ARPC5: variants seen among roughly 807,000 people sequenced by gnomAD.
ARPC5 encodes actin related protein 2/3 complex subunit 5.
ARPC5 carries 5 observed loss-of-function variants against 15.4 expected under a neutral mutation model. The observed-to-expected ratio is 0.32, with a 90% CI of 0.17 to 0.68. The LOEUF (loss-of-function observed/expected upper bound fraction) is 0.68. Among genes scored for constraint, ARPC5 ranks in the 30% least tolerant of loss-of-function variants. The pLI is 0.71. For synonymous variants in ARPC5, 85 were observed against 72.2 expected (o/e 1.18, Z -0.90); for missense variants, 138 against 192.8 (o/e 0.72, Z 1.68).
chr1:183,633,033 TAAG>T, intron 2 of ARPC5, 46 bp downstream of exon 2: 1 of 1,381,124 alleles, frequency 7.2e-7, no homozygotes, highest in Non-Finnish European at 1.0e-6. Flanking sequence ...AGGATTTTAC[TAAG>T]AATAAGATAT....
Position 183,633,166 on chromosome 1 carries a change from T to A in ARPC5, c.144-12A>T. ...CTGTCATGTTTCCTGTGATGGAAGT[T>A]AAGGGTGTAACAGCAAAGGATGGCC... On this transcript the variant is annotated splice_polypyrimidine_tract_variant and intron_variant, in intron 1 of 3. Coordinates refer to ENST00000359856, the MANE Select transcript of ARPC5 (RefSeq NM_005717.4). 1 of 1,593,080 alleles carries A rather than the reference T, an allele frequency of 6.3e-7. No individual in the cohort carries two copies. Among genetic ancestry groups the A allele is most frequent in the South Asian group, 1.1e-5 (1 of 87,402 alleles).
chr1:183,623,582 A>C lies in ARPC5; in HGVS notation c.*3950T>G. The C allele has an allele frequency of 6.7e-7, 1 of 1,489,788 alleles. No homozygotes were observed. The highest frequency in any genetic ancestry group is 9.1e-7 in the Non-Finnish European group (1 of 1,093,884). The allele number at this position is 1,489,788 out of a possible 1,614,324, so 92.3% of individuals were successfully genotyped here. ...CCGCGGCAGGAATATGGACAGAAGC[A>C]GCCTTGTTTAAGGGCACTTGGTTCT... On this transcript the variant is annotated 3_prime_UTR_variant, in exon 4 of 4. Coordinates refer to ENST00000359856, the MANE Select transcript of ARPC5 (RefSeq NM_005717.4).
Position 183,623,456 on chromosome 1 carries a change from A to G in ARPC5, c.*4076T>C. The stretch of plus-strand genomic sequence containing the variant: ...TTCCCGGGCCTCCTCCATATCTGGA[A>G]TCATACAAGAGGCACCTGCACAGAA... On this transcript the variant is annotated 3_prime_UTR_variant, in exon 4 of 4. Coordinates refer to ENST00000359856, the MANE Select transcript of ARPC5 (RefSeq NM_005717.4). 2 of 1,550,406 alleles carry G rather than the reference A, an allele frequency of 1.3e-6. No individual in the cohort carries two copies. The highest frequency in any genetic ancestry group is 1.7e-6 in the Non-Finnish European group (2 of 1,146,906).
At position 183,627,613 on chromosome 1, in the gene ARPC5, G is replaced by T; in HGVS notation, c.394-19C>A. 6.2e-7 allele frequency: 1 copy of T among 1,601,446 alleles called. No homozygotes were observed. The highest frequency in any genetic ancestry group is 8.6e-7 in the Non-Finnish European group (1 of 1,168,600). ...CAAGTGCCTAAAAACAAACCAAGAT[G>T]TAAATGTTGACAGAATAATAAAAGG... On this transcript the variant is annotated intron_variant, in intron 3 of 3. Coordinates refer to ENST00000359856, the MANE Select transcript of ARPC5 (RefSeq NM_005717.4).
chr1:183,623,654 T>C lies in ARPC5; in HGVS notation c.*3878A>G, dbSNP rs1649001584. On this transcript the variant is annotated 3_prime_UTR_variant, in exon 4 of 4. Transcript: ENST00000359856. ...CTTAATTGGGTGTGTTTTTCAATTA[T>C]TTTGGTGCTTTTAACATATTTTGTC... is the stretch of plus-strand genomic sequence containing the variant. 1 of 707,664 alleles carries C rather than the reference T, an allele frequency of 1.4e-6. No homozygotes were observed. Among genetic ancestry groups the C allele is most frequent in the Non-Finnish European group, 2.3e-6 (1 of 432,282 alleles). 43.8% of individuals were successfully genotyped at this position (707,664 alleles called of 1,614,324 possible). A position where few individuals can be genotyped will look rare whatever the true frequency, so the allele number is the denominator to read the frequency against.
In ARPC5 at chr1:183,621,430, T is replaced by C. The variant is rs901745859; in HGVS notation, c.*6102A>G. The C allele has an allele frequency of 1.3e-5, 2 of 152,236 alleles. No homozygotes were observed. The highest frequency in any genetic ancestry group is 2.9e-5 in the Non-Finnish European group (2 of 68,032). 9.4% of individuals were successfully genotyped at this position (152,236 alleles called of 1,614,324 possible). On this transcript the variant is annotated 3_prime_UTR_variant, in exon 4 of 4. Coordinates refer to ENST00000359856, the MANE Select transcript of ARPC5 (RefSeq NM_005717.4). ...AATTATGGTACATTTATTTATATAA[T>C]AGAATTATTATGCAGTCATAAAAAT...
intron 1 of ARPC5, among the ~76,000 whole-genome samples, chr1:183,634,422 A>T (rs1006982979): frequency 6.6e-6 from 1 of 152,234 alleles, no homozygotes; most frequent in African/African-American, 2.4e-5. Flanking sequence ...TTTCACTCTC[A>T]TATTTCCCCA....
chr1:183,633,220 T>C lies in ARPC5; in HGVS notation c.144-66A>G, dbSNP rs2231237. 2,959 of 1,101,330 alleles carry C rather than the reference T, an allele frequency of 2.7e-3. 70 individuals are homozygous for C. The African/African-American group carries it at 0.045, about 17-fold the overall frequency. 68.2% of individuals were successfully genotyped at this position (1,101,330 alleles called of 1,614,324 possible). On this transcript the variant is annotated intron_variant, in intron 1 of 3. Coordinates refer to ENST00000359856, the MANE Select transcript of ARPC5 (RefSeq NM_005717.4). ...AGGAAAGCATTATAACCACTGGTTC[T>C]TATGACTTGATTTACATATAAAAAG... is the stretch of plus-strand genomic sequence containing the variant.
chr1:183,633,397 G>A (rs6671085), intron 1 of ARPC5: 17,554 of 307,696 alleles, frequency 0.057, 1,169 homozygotes, highest in African/African-American at 0.21. Flanking sequence ...TAACTATCAA[G>A]TGAACACCTT....
At chr1:183,632,132 A>G (rs1649284686) in intron 2 of ARPC5, 1 of 152,254 alleles carries the variant, frequency 6.6e-6, no homozygotes, top group Non-Finnish European at 1.5e-5. Flanking sequence ...TACCTAAGTT[A>G]TTACTTACTA....
intron 3 of ARPC5, among the ~76,000 whole-genome samples, chr1:183,627,945 C>G (rs59068318): frequency 0.052 from 7,815 of 151,532 alleles, 709 homozygotes; most frequent in African/African-American, 0.18. Context: ...AGGCCGAGGC[C>G]GGCGGATCAC....
rs112502268 is a variant in ARPC5 at position 183,633,155 on chromosome 1, G to A, written c.144-1C>T. On this transcript the variant is annotated splice_acceptor_variant, in intron 1 of 3. Coordinates refer to ENST00000359856, the MANE Select transcript of ARPC5 (RefSeq NM_005717.4). LOFTEE classifies it high-confidence loss of function. ...CTGTAGGGCAGCTGTCATGTTTCCT[G>A]TGATGGAAGTTAAGGGTGTAACAGC... 6.3e-7 allele frequency: 1 copy of A among 1,598,744 alleles called. No homozygotes were observed.
intron 2 of ARPC5, chr1:183,631,678 CT>C (rs200423958): frequency 6.7e-6 from 1 of 150,150 alleles, no homozygotes; most frequent in Non-Finnish European, 1.5e-5. Flanking sequence ...TTCTTAAAAA[CT>C]TTTTTATTTA....
chr1:183,631,704 C>A (rs1649273035), intron 2 of ARPC5: 1 of 151,490 alleles, frequency 6.6e-6, no homozygotes, highest in East Asian at 1.9e-4. Context: ...TTTTAATAAA[C>A]CAAGCTGTCT....
At chr1:183,631,163 C>T (rs1649252299) in intron 2 of ARPC5, 1 of 152,170 alleles carries the variant, frequency 6.6e-6, no homozygotes, top group Non-Finnish European at 1.5e-5. Flanking sequence ...TGGTAAGAAA[C>T]TAGACAGACT....
Position 183,625,988 on chromosome 1 carries a change from T to C in ARPC5, c.*1544A>G, listed in dbSNP as rs1403473792. ...ACTACATATAGGTATTCAGCTGCCA[T>C]CCAGAAGGCTATGGAATCACTCCAA... is the stretch of plus-strand genomic sequence containing the variant. On this transcript the variant is annotated 3_prime_UTR_variant, in exon 4 of 4. Transcript: ENST00000359856. 2.6e-5 allele frequency: 4 copies of C among 152,190 alleles called. No individual in the cohort carries two copies. Among genetic ancestry groups the C allele is most frequent in the African/African-American group, 9.7e-5 (4 of 41,444 alleles). 9.4% of individuals were successfully genotyped at this position (152,190 alleles called of 1,614,324 possible).
At chr1:183,635,457 C>G (rs531493253) in intron 1 of ARPC5, 60 bp downstream of exon 1, 9 of 1,529,700 alleles carry the variant, frequency 5.9e-6, no homozygotes, top group Non-Finnish European at 7.9e-6. Flanking sequence ...GCTCCCGGGT[C>G]CCAGGAGAAG....
intron 3 of ARPC5, among the ~76,000 whole-genome samples, chr1:183,628,675 G>A (rs1432520250): frequency 5.3e-5 from 8 of 152,212 alleles, no homozygotes; most frequent in Non-Finnish European, 1.0e-4. Flanking sequence ...CAGTATAGAG[G>A]AATGTTTCAG....
rs540332383 is a variant in ARPC5 at position 183,624,881 on chromosome 1, C to A, written c.*2651G>T. The stretch of plus-strand genomic sequence containing the variant: ...AGACCTTATTCTTCTGTTATGTCCT[C>A]ATGATCCTGGGATCCACAGGAAATG... On this transcript the variant is annotated 3_prime_UTR_variant, in exon 4 of 4. Transcript: ENST00000359856. 2.0e-5 allele frequency: 3 copies of A among 152,302 alleles called. No individual in the cohort carries two copies. The highest frequency in any genetic ancestry group is 7.2e-5 in the African/African-American group (3 of 41,570). 9.4% of individuals were successfully genotyped at this position (152,302 alleles called of 1,614,324 possible).
Sources: allele counts gnomAD v4.1 joint callset (sites outside exome capture counted in the v4.1 genomes callset), GRCh38; gene constraint gnomAD v4.1.1; transcripts MANE v1.5; gene names NCBI Gene and HGNC (gene_info 2026-07-23, HGNC 2026-07-21).